Variants in TBC1D5 observed in about 807,000 individuals in gnomAD.
The protein encoded by TBC1D5 is TBC1 domain family, member 5.
TBC1D5 carries 75 observed loss-of-function variants against 100.3 expected under a neutral mutation model. The ratio of observed to expected loss-of-function variants is 0.75; its 90% CI spans 0.62 to 0.91. The LOEUF (loss-of-function observed/expected upper bound fraction) is 0.91. TBC1D5 is among the 40% of genes least tolerant of loss of function. The pLI, the probability that TBC1D5 is intolerant of heterozygous loss-of-function variation, is 0.00. For missense variants in TBC1D5, 910 were observed against 942.4 expected, an observed-to-expected ratio of 0.97 and a Z score of 0.45; for synonymous variants, 323 against 325.6, an observed-to-expected ratio of 0.99 and a Z score of 0.09.
intron 3 of TBC1D5, among the ~76,000 whole-genome samples, chr3:17,461,157 A>G (rs2095200762): frequency 6.6e-6 from 1 of 152,232 alleles, no homozygotes; most frequent in Non-Finnish European, 1.5e-5. Context: ...CAGTATAATT[A>G]GGTAGTTTAT....
rs995469707 is a variant in TBC1D5, at chr3:17,697,883, G to C, written c.-101+41460C>G. 1.1e-4 allele frequency among the ~76,000 whole-genome samples: 17 copies of C among 151,168 alleles called. 1 individual carries two copies. The highest frequency in any genetic ancestry group is 1.1e-3 in the Admixed American group (17 of 15,130). ...CTACAAGGCTACAGTAACCAAAACA[G>C]CATGGTACTGGTTCCAAAACAGAGA... On this transcript the variant is annotated intron_variant, in intron 1 of 21. Transcript: ENST00000253692.
intron 2 of TBC1D5, chr3:17,519,088 A>AG (rs763427007): frequency 9.4e-4 from 143 of 152,508 alleles, no homozygotes; most frequent in South Asian, 7.7e-3. Context: ...CTTCAGAAAG[A>AG]GCATTCTTGG....
intron 1 of TBC1D5, among the ~76,000 whole-genome samples, chr3:17,627,587 C>T (rs2063158950): frequency 6.6e-6 from 1 of 151,196 alleles, no homozygotes; most frequent in South Asian, 2.1e-4. Context: ...CTTGCAAAAA[C>T]TTTACCCAAC....
chr3:17,726,494 C>A (rs1418587999), intron 1 of TBC1D5, among the ~76,000 whole-genome samples: 2 of 152,152 alleles, frequency 1.3e-5, no homozygotes, highest in African/African-American at 4.8e-5. Flanking sequence ...ATGCTTATGG[C>A]TGCATATGTA....
At chr3:17,654,197 T>C (rs549698854) in intron 1 of TBC1D5, among the ~76,000 whole-genome samples, 1 of 152,316 alleles carries the variant, frequency 6.6e-6, no homozygotes, top group South Asian at 2.1e-4. Context: ...TTAAATTTAC[T>C]ATTAAAATGA....
At chr3:17,486,036 A>C (rs2095562223) in intron 3 of TBC1D5, among the ~76,000 whole-genome samples, 1 of 151,890 alleles carries the variant, frequency 6.6e-6, no homozygotes, top group African/African-American at 2.4e-5. Flanking sequence ...TCGCCATTCT[A>C]ACTGGTGTGA....
chr3:17,387,981 G>C lies in TBC1D5; in HGVS notation c.510-3966C>G, dbSNP rs148682888. Among the ~76,000 whole-genome samples the C allele has an allele frequency of 3.2e-3, 487 of 152,088 alleles. 9 individuals are homozygous for C. The highest frequency in any genetic ancestry group is 1.4e-3 in the Non-Finnish European group (93 of 67,956). On this transcript the variant is annotated intron_variant, in intron 8 of 21. Coordinates refer to ENST00000253692, the Ensembl canonical transcript of TBC1D5. ...CTGGAAACAAATTTTATTATTAACA[G>C]AAGGTCTTTCTTTCTACATTTGTCC...
chr3:17,158,168 A>G (rs2065750716), exon 22 of TBC1D5: 1 of 152,252 alleles, frequency 6.6e-6, no homozygotes, highest in Non-Finnish European at 1.5e-5. Flanking sequence ...GTACAAAGCT[A>G]AATTTTAACT....
intron 12 of TBC1D5, among the ~76,000 whole-genome samples, chr3:17,373,271 T>C (rs1369201665): frequency 6.6e-6 from 1 of 152,114 alleles, no homozygotes; most frequent in African/African-American, 2.4e-5. Flanking sequence ...ACTATTTCAT[T>C]TTTTAAGAGA....
intron 3 of TBC1D5, among the ~76,000 whole-genome samples, chr3:17,464,688 C>G (rs2095273064): frequency 6.6e-6 from 1 of 152,130 alleles, no homozygotes; most frequent in Admixed American, 6.5e-5. Flanking sequence ...TTCACCCCTA[C>G]CATGTGATTA....
At chr3:17,514,137 C>T (rs1338059274) in intron 2 of TBC1D5, among the ~76,000 whole-genome samples, 1 of 152,104 alleles carries the variant, frequency 6.6e-6, no homozygotes, top group African/African-American at 2.4e-5. Flanking sequence ...TTACATTGGA[C>T]TTTAAGTTAA....
At chr3:17,440,795 C>A (rs1006460703) in intron 3 of TBC1D5, among the ~76,000 whole-genome samples, 4 of 152,192 alleles carry the variant, frequency 2.6e-5, no homozygotes, top group Admixed American at 2.0e-4. Flanking sequence ...GTGTGAGCCA[C>A]CATGCCCAGC....
intron 8 of TBC1D5, among the ~76,000 whole-genome samples, chr3:17,384,285 C>T (rs1264469392): frequency 6.6e-6 from 1 of 152,022 alleles, no homozygotes; most frequent in African/African-American, 2.4e-5. Flanking sequence ...AATATGATAG[C>T]TTTTGAATCA....
intron 18 of TBC1D5, among the ~76,000 whole-genome samples, chr3:17,192,341 G>C (rs2070044555): frequency 6.7e-6 from 1 of 149,522 alleles, no homozygotes; most frequent in Non-Finnish European, 1.5e-5. Flanking sequence ...ACTAAATAGA[G>C]AAACTTCTAT....
At chr3:17,428,121 T>C (rs930458384) in intron 4 of TBC1D5, among the ~76,000 whole-genome samples, 1 of 151,742 alleles carries the variant, frequency 6.6e-6, no homozygotes, top group African/African-American at 2.4e-5. Context: ...ACAGATATAC[T>C]GGAAAAACAA....
intron 2 of TBC1D5, among the ~76,000 whole-genome samples, chr3:17,551,983 T>A (rs1192629936): frequency 6.6e-6 from 1 of 152,162 alleles, no homozygotes. Context: ...ACATATGGTA[T>A]GTGTTGATAC....
chr3:17,222,292 T>C (rs1004892843), intron 17 of TBC1D5, among the ~76,000 whole-genome samples: 2 of 152,204 alleles, frequency 1.3e-5, no homozygotes, highest in Non-Finnish European at 2.9e-5. Flanking sequence ...ATTGGCACTA[T>C]CATTATCATG....
At chr3:17,624,438 G>T (rs2062906384) in intron 1 of TBC1D5, among the ~76,000 whole-genome samples, 1 of 152,044 alleles carries the variant, frequency 6.6e-6, no homozygotes, top group Non-Finnish European at 1.5e-5. Context: ...AATGCTGCGT[G>T]AACAGCCAAC....
At chr3:17,634,238 G>C (rs1476751482) in intron 1 of TBC1D5, among the ~76,000 whole-genome samples, 1 of 152,146 alleles carries the variant, frequency 6.6e-6, no homozygotes, top group Non-Finnish European at 1.5e-5. Flanking sequence ...GCCCAAAAGA[G>C]AGGAAATCAG....
Sources: gnomAD v4.1 joint callset for allele counts (sites outside exome capture counted in the v4.1 genomes callset) on GRCh38, gnomAD v4.1.1 for gene constraint, MANE v1.5 for transcripts, NCBI Gene and HGNC (gene_info 2026-07-23, HGNC 2026-07-21) for gene names.